Variants in UBN2 observed in about 807,000 individuals in gnomAD.
UBN2 encodes the protein ubinuclein-2.
Under a neutral mutation model 120.2 loss-of-function variants are expected in UBN2, and 35 were observed. That is an observed-to-expected ratio of 0.29 (90% CI 0.22 to 0.39). The LOEUF (loss-of-function observed/expected upper bound fraction) is 0.39. Ranked by LOEUF, UBN2 falls within the 10% of genes least tolerant of loss-of-function variation. The pLI is 1.00. For synonymous variants in UBN2, 661 were observed against 648.7 expected, an observed-to-expected ratio of 1.02 and a Z score of -0.29; for missense variants, 1,693 against 1,663.2, an observed-to-expected ratio of 1.02 and a Z score of -0.31.
At chr7:139,246,430 G>A (rs1462722295) in intron 2 of UBN2, among the ~76,000 whole-genome samples, 1 of 152,130 alleles carries the variant, frequency 6.6e-6, no homozygotes, top group Non-Finnish European at 1.5e-5. Flanking sequence ...GAAAAACAAA[G>A]GCCAGCATTC....
the UBN2 span, among the ~76,000 whole-genome samples, chr7:139,320,178 C>G: frequency 2.0e-5 from 3 of 151,862 alleles, no homozygotes; most frequent in African/African-American, 7.3e-5. Flanking sequence ...AACAAAAATT[C>G]TGACCAGACG....
chr7:139,300,314 GT>G lies in UBN2; in HGVS notation c.*2480del, dbSNP rs1379497731. The G allele has an allele frequency of 6.6e-5, 10 of 151,778 alleles. No individual in the cohort carries two copies. The highest frequency in any genetic ancestry group is 2.4e-4 in the African/African-American group (10 of 41,242). The allele number at this position is 151,778 out of a possible 1,614,324, so 9.4% of individuals were successfully genotyped here. A position where few individuals can be genotyped will look rare whatever the true frequency, so the allele number is the denominator to read the frequency against. On this transcript the variant is annotated 3_prime_UTR_variant, in exon 18 of 18. Coordinates refer to ENST00000473989, the MANE Select transcript of UBN2 (RefSeq NM_173569.4). ...ATTTCAGTCAGGACCCCCCTTTTAT[GT>G]TGTATGAATCAGTCAAACATCGTTG...
intron 5 of UBN2, among the ~76,000 whole-genome samples, chr7:139,260,661 A>G (rs1796901829): frequency 6.6e-6 from 1 of 152,124 alleles, no homozygotes; most frequent in African/African-American, 2.4e-5. Flanking sequence ...CTCCCCTCCT[A>G]AAACTTGGGA....
the UBN2 span, among the ~76,000 whole-genome samples, chr7:139,313,243 G>T: frequency 3.3e-5 from 5 of 152,078 alleles, no homozygotes; most frequent in South Asian, 6.2e-4. Flanking sequence ...GGTTTAAGAA[G>T]AATAATAGAA....
In UBN2 at chr7:139,279,363, A is replaced by G. The variant is rs531113294; in HGVS notation, c.2067+3A>G. 140 of 1,598,968 alleles carry G rather than the reference A, an allele frequency of 8.8e-5. No individual in the cohort carries two copies. In the South Asian group the frequency reaches 1.5e-3, roughly 17 times the overall value. On this transcript the variant is annotated splice_donor_region_variant and intron_variant, in intron 13 of 17. Coordinates refer to ENST00000473989, the MANE Select transcript of UBN2 (RefSeq NM_173569.4). ...CTGCACCTAAACCCAAAGTAAAGGTAAGTACTGAAACAAAATATTTAATTA... is the reference window on the plus strand; with the variant it reads ...CTGCACCTAAACCCAAAGTAAAGGTGAGTACTGAAACAAAATATTTAATTA...
intron 2 of UBN2, among the ~76,000 whole-genome samples, chr7:139,246,058 T>C (rs188285496): frequency 2.6e-4 from 39 of 152,172 alleles, no homozygotes; most frequent in African/African-American, 9.1e-4. Flanking sequence ...AGGTGGTAAT[T>C]ATGCAGGATA....
In UBN2 at chr7:139,269,268, A is replaced by G. The variant is rs118186719; in HGVS notation, c.1467-126A>G. On this transcript the variant is annotated intron_variant, in intron 7 of 17. Transcript: ENST00000473989. ...TGGGTTTTTTTTTATTTTTTCCATG[A>G]AGAATACTGTTTAGGAAATCATGAA... The G allele has an allele frequency of 3.1e-3, 2,791 of 892,752 alleles. 27 individuals carry two copies. The highest frequency in any genetic ancestry group is 2.5e-3 in the Admixed American group (84 of 33,342). 55.3% of individuals were successfully genotyped at this position (892,752 alleles called of 1,614,324 possible).
intron 11 of UBN2, 47 bp from the exon 12 acceptor site, chr7:139,276,050 T>C: frequency 1.4e-6 from 2 of 1,437,052 alleles, no homozygotes; most frequent in Admixed American, 1.8e-5. Context: ...ATTATGTTAC[T>C]ATCTGCTATA....
Position 139,279,378 on chromosome 7 carries a change from A to G in UBN2, c.2067+18A>G. On this transcript the variant is annotated intron_variant, in intron 13 of 17. Transcript: ENST00000473989. ...AAGTAAAGGTAAGTACTGAAACAAA[A>G]TATTTAATTAGTTATAGTTGGTGAA... 6.3e-7 allele frequency: 1 copy of G among 1,577,360 alleles called. No individual in the cohort carries two copies. Among genetic ancestry groups the G allele is most frequent in the South Asian group, 1.1e-5 (1 of 88,536 alleles).
chr7:139,254,563 G>T (rs548669823), intron 3 of UBN2, among the ~76,000 whole-genome samples: 1 of 152,058 alleles, frequency 6.6e-6, no homozygotes, highest in African/African-American at 2.4e-5. Context: ...AGCACCACCC[G>T]GTTTTCTCTG....
intron 15 of UBN2, among the ~76,000 whole-genome samples, chr7:139,291,396 A>G (rs1185561017): frequency 6.6e-6 from 1 of 151,744 alleles, no homozygotes; most frequent in Non-Finnish European, 1.5e-5. Context: ...GGAAAACAAA[A>G]AAAATACAAA....
At chr7:139,310,997 C>T (rs942942229), downstream of UBN2, among the ~76,000 whole-genome samples, 2 of 152,148 alleles carry the variant, frequency 1.3e-5, no homozygotes, top group African/African-American at 4.8e-5. Flanking sequence ...ATATTGCAAA[C>T]AGTCAAAAGT....
intron 3 of UBN2, among the ~76,000 whole-genome samples, chr7:139,255,178 G>A (rs991171643): frequency 6.6e-6 from 1 of 152,162 alleles, no homozygotes; most frequent in Non-Finnish European, 1.5e-5. Flanking sequence ...TTTCCAGAAT[G>A]TCTTATAGAG....
Position 139,236,707 on chromosome 7 carries a change from CTG to C in UBN2, c.469-296_469-295del, listed in dbSNP as rs764500725. 1.3e-4 allele frequency among the ~76,000 whole-genome samples: 19 copies of C among 151,212 alleles called. 1 individual carries two copies. The highest frequency in any genetic ancestry group is 4.4e-4 in the African/African-American group (18 of 41,222). On this transcript the variant is annotated intron_variant, in intron 1 of 17. Transcript: ENST00000473989. ...TGAAATGTATATGAGTCCATTATAA[CTG>C]TAAATTTTTTTTGCTATGAACCAAC...
At chr7:139,311,963 G>A (rs1798454188), downstream of UBN2, among the ~76,000 whole-genome samples, 1 of 152,200 alleles carries the variant, frequency 6.6e-6, no homozygotes, top group Non-Finnish European at 1.5e-5. Flanking sequence ...GGGAGTCCGT[G>A]ACAGCCTCAG....
intron 2 of UBN2, 30 bp downstream of exon 2, chr7:139,237,127 A>G: frequency 1.3e-6 from 2 of 1,502,706 alleles, no homozygotes; most frequent in Non-Finnish European, 1.8e-6. Context: ...CACTTAGGTA[A>G]TTTTATCCTA....
At position 139,272,443 on chromosome 7, in the gene UBN2, A is replaced by G; in HGVS notation, c.1715+3A>G. 2 of 1,605,586 alleles carry G rather than the reference A, an allele frequency of 1.2e-6. No homozygotes were observed. Among genetic ancestry groups the G allele is most frequent in the Non-Finnish European group, 1.7e-6 (2 of 1,175,796 alleles). On this transcript the variant is annotated splice_donor_region_variant and intron_variant, in intron 9 of 17. Coordinates refer to ENST00000473989, the MANE Select transcript of UBN2 (RefSeq NM_173569.4). ...CGTAGTCAAGCTAAGTGTGCCAAGT[A>G]TGTATCTCTTCTATTTGGACTGGCT...
intron 15 of UBN2, among the ~76,000 whole-genome samples, chr7:139,289,073 G>A (rs1797869690): frequency 6.6e-6 from 1 of 151,776 alleles, no homozygotes; most frequent in South Asian, 2.1e-4. Context: ...TTTTCCCCTG[G>A]GAATAAAATG....
the UBN2 span, among the ~76,000 whole-genome samples, chr7:139,318,547 G>A: frequency 2.6e-5 from 4 of 152,062 alleles, no homozygotes; most frequent in Admixed American, 2.6e-4. Context: ...TGTATGCCCA[G>A]GCCAGAATGC....
Sources: gnomAD v4.1 joint callset for allele counts (sites outside exome capture counted in the v4.1 genomes callset) on GRCh38, gnomAD v4.1.1 for gene constraint, MANE v1.5 for transcripts, NCBI Gene and HGNC (gene_info 2026-07-23, HGNC 2026-07-21) for gene names.